Variants in UNC5D observed in about 807,000 individuals in gnomAD.
The protein encoded by UNC5D is netrin receptor UNC5D.
A neutral mutation model predicts 105.4 loss-of-function variants in UNC5D; 39 were observed. The observed-to-expected ratio is 0.37, with a 90% CI of 0.29 to 0.48. The LOEUF (loss-of-function observed/expected upper bound fraction) is 0.48, where lower values mean the gene tolerates loss of function less well. Among genes scored for constraint, UNC5D ranks in the 20% least tolerant of loss-of-function variants. The probability of loss-of-function intolerance (pLI) is 0.98; values close to 1 mark genes in which losing one functional copy is unlikely to be tolerated. For synonymous variants in UNC5D, 452 were observed against 450.4 expected, an observed-to-expected ratio of 1.00 and a Z score of -0.04; for missense variants, 991 against 1,202.4, an observed-to-expected ratio of 0.82 and a Z score of 2.60.
intron 8 of UNC5D, among the ~76,000 whole-genome samples, chr8:35,711,720 C>T (rs1827976261): frequency 6.6e-6 from 1 of 152,174 alleles, no homozygotes; most frequent in African/African-American, 2.4e-5. Context: ...GGCCTTCAAC[C>T]TACCACCCTA....
chr8:35,591,962 C>T (rs1819204440), intron 3 of UNC5D, among the ~76,000 whole-genome samples: 1 of 152,158 alleles, frequency 6.6e-6, no homozygotes. Context: ...CCCAGGCTCC[C>T]TGCAATGTTC....
intron 1 of UNC5D, among the ~76,000 whole-genome samples, chr8:35,518,050 T>C (rs1813219416): frequency 6.6e-6 from 1 of 152,104 alleles, no homozygotes; most frequent in Non-Finnish European, 1.5e-5. Flanking sequence ...GGGGGGGGCA[T>C]AAACATTGTT....
intron 1 of UNC5D, among the ~76,000 whole-genome samples, chr8:35,532,317 G>T (rs1814450559): frequency 6.6e-6 from 1 of 150,792 alleles, no homozygotes; most frequent in East Asian, 1.9e-4. Flanking sequence ...GCTTAGTTTG[G>T]CTGGATATGA....
chr8:35,752,524 T>C (rs1325664067), intron 13 of UNC5D, among the ~76,000 whole-genome samples: 3 of 152,110 alleles, frequency 2.0e-5, no homozygotes, highest in African/African-American at 7.2e-5. Flanking sequence ...GCACACTTCA[T>C]CTTTGGCTGC....
At chr8:35,709,606 C>T (rs1366026733) in intron 8 of UNC5D, among the ~76,000 whole-genome samples, 1 of 152,172 alleles carries the variant, frequency 6.6e-6, no homozygotes, top group Non-Finnish European at 1.5e-5. Flanking sequence ...AAGAGAATCA[C>T]TTGAAGCCGG....
chr8:35,273,018 C>T (rs534298141), intron 1 of UNC5D, among the ~76,000 whole-genome samples: 1 of 152,238 alleles, frequency 6.6e-6, no homozygotes, highest in Non-Finnish European at 1.5e-5. Context: ...TAAGCAATTG[C>T]TCTAAGCAAA....
At chr8:35,282,676 A>G (rs1012426901) in intron 1 of UNC5D, among the ~76,000 whole-genome samples, 1 of 141,010 alleles carries the variant, frequency 7.1e-6, no homozygotes, top group Non-Finnish European at 1.5e-5. Flanking sequence ...TCTAAACTGA[A>G]CTTATTTTGC....
At chr8:35,254,354 C>T (rs1803925703) in intron 1 of UNC5D, 1 of 152,176 alleles carries the variant, frequency 6.6e-6, no homozygotes, top group Non-Finnish European at 1.5e-5. Flanking sequence ...TGCCCAGTTT[C>T]ACATATGTTT....
At chr8:35,695,435 G>A (rs1030573579) in intron 7 of UNC5D, among the ~76,000 whole-genome samples, 4 of 152,086 alleles carry the variant, frequency 2.6e-5, no homozygotes, top group African/African-American at 7.2e-5. Context: ...TGAGGCAGGG[G>A]GATCACTTGA....
chr8:35,247,670 A>G (rs1803227639), intron 1 of UNC5D, among the ~76,000 whole-genome samples: 1 of 20,846 alleles, frequency 4.8e-5, no homozygotes, highest in Non-Finnish European at 7.1e-5. Flanking sequence ...TATATATAAT[A>G]TATAAATATA....
intron 1 of UNC5D, among the ~76,000 whole-genome samples, chr8:35,341,085 G>C (rs189991524): frequency 2.6e-5 from 4 of 152,186 alleles, no homozygotes; most frequent in South Asian, 4.2e-4. Flanking sequence ...TGCTCCAATA[G>C]CTGATGTTGA....
chr8:35,319,661 G>A (rs900331263), intron 1 of UNC5D, among the ~76,000 whole-genome samples: 2 of 152,044 alleles, frequency 1.3e-5, no homozygotes, highest in Admixed American at 1.3e-4. Flanking sequence ...AATCCAGAAA[G>A]GAATAAGACT....
intron 1 of UNC5D, among the ~76,000 whole-genome samples, chr8:35,389,689 A>G (rs759712779): frequency 2.0e-5 from 3 of 151,202 alleles, no homozygotes; most frequent in Non-Finnish European, 2.9e-5. Flanking sequence ...TTTTGCAACC[A>G]TAGTTTACCT....
At chr8:35,587,424 T>G (rs1818862156) in intron 3 of UNC5D, among the ~76,000 whole-genome samples, 1 of 152,228 alleles carries the variant, frequency 6.6e-6, no homozygotes, top group Non-Finnish European at 1.5e-5. Context: ...GAGACTTCGT[T>G]GCATATTAGT....
At chr8:35,374,332 T>C (rs1209999146) in intron 1 of UNC5D, among the ~76,000 whole-genome samples, 1 of 152,136 alleles carries the variant, frequency 6.6e-6, no homozygotes, top group East Asian at 1.9e-4. Flanking sequence ...GAAAAGAAGT[T>C]GGAGGAAAGA....
Position 35,336,062 on chromosome 8 carries a change from C to T in UNC5D, c.103+100175C>T, listed in dbSNP as rs192500054. Among the ~76,000 whole-genome samples, 83 of 152,030 alleles carry T rather than the reference C, an allele frequency of 5.5e-4. 1 individual carries two copies. Among genetic ancestry groups the T allele is most frequent in the African/African-American group, 1.8e-3 (75 of 41,456 alleles). On this transcript the variant is annotated intron_variant, in intron 1 of 16. Transcript: ENST00000404895. ...GCAGGCGTGAACCACCGCGCCCGGC[C>T]GAGAGATTTCAATTCTAAAAGACTC...
intron 14 of UNC5D, among the ~76,000 whole-genome samples, chr8:35,762,716 C>A (rs1012923178): frequency 7.2e-5 from 11 of 152,112 alleles, no homozygotes; most frequent in Admixed American, 2.0e-4. Context: ...AAATCACTTT[C>A]CTTTATTCCT....
At chr8:35,414,202 A>G (rs774795777) in intron 1 of UNC5D, among the ~76,000 whole-genome samples, 1 of 152,178 alleles carries the variant, frequency 6.6e-6, no homozygotes, top group Non-Finnish European at 1.5e-5. Flanking sequence ...ACCCAAGAGC[A>G]TATGACCAAA....
intron 1 of UNC5D, among the ~76,000 whole-genome samples, chr8:35,493,946 T>C (rs545915843): frequency 1.3e-5 from 2 of 152,286 alleles, no homozygotes; most frequent in African/African-American, 4.8e-5. Flanking sequence ...AATTTGATTT[T>C]TAGTTATTTT....
Sources: allele counts gnomAD v4.1 joint callset (sites outside exome capture counted in the v4.1 genomes callset), GRCh38; gene constraint gnomAD v4.1.1; transcripts MANE v1.5; gene names NCBI Gene and HGNC (gene_info 2026-07-23, HGNC 2026-07-21).